GPC6: variants seen among roughly 807,000 people sequenced by gnomAD.
GPC6 encodes glypican 6.
In GPC6, 14 loss-of-function variants were observed where a neutral mutation model predicts 55.2. The observed-to-expected ratio is 0.25, with a 90% CI of 0.17 to 0.40. The LOEUF (loss-of-function observed/expected upper bound fraction) is 0.40. Among genes scored for constraint, GPC6 ranks in the 10% least tolerant of loss-of-function variants. The pLI is 1.00. For synonymous variants in GPC6, 278 were observed against 259.6 expected (o/e 1.07, Z -0.68); for missense variants, 641 against 708.5 (o/e 0.90, Z 1.08).
chr13:93,972,923 CTCTG>C (rs780028496), intron 3 of GPC6, among the ~76,000 whole-genome samples: 1 of 151,766 alleles, frequency 6.6e-6, no homozygotes, highest in Non-Finnish European at 1.5e-5. Flanking sequence ...CTCTCTGTCT[CTCTG>C]TCTCTCTCTC....
intron 1 of GPC6, among the ~76,000 whole-genome samples, chr13:93,523,565 C>T (rs893742300): frequency 3.6e-5 from 5 of 139,082 alleles, no homozygotes; most frequent in Admixed American, 1.4e-4. Context: ...TACGCACTTC[C>T]TCATTTGCTG....
At chr13:93,990,149 A>G (rs1470074101) in intron 3 of GPC6, among the ~76,000 whole-genome samples, 3 of 152,032 alleles carry the variant, frequency 2.0e-5, no homozygotes, top group Admixed American at 6.6e-5. Context: ...TTAATGTTTT[A>G]TGCTCAAATG....
chr13:94,153,032 G>A (rs1887799416), intron 4 of GPC6, among the ~76,000 whole-genome samples: 1 of 152,002 alleles, frequency 6.6e-6, no homozygotes, highest in African/African-American at 2.4e-5. Context: ...AGGATTCTAT[G>A]GGACCCTATG....
intron 4 of GPC6, among the ~76,000 whole-genome samples, chr13:94,260,012 T>G (rs763263247): frequency 6.6e-6 from 1 of 152,212 alleles, no homozygotes; most frequent in Non-Finnish European, 1.5e-5. Flanking sequence ...GGGTATATAG[T>G]ATCTACTTAA....
chr13:94,131,341 A>G (rs1214263104), intron 4 of GPC6, among the ~76,000 whole-genome samples: 1 of 152,120 alleles, frequency 6.6e-6, no homozygotes, highest in Admixed American at 6.6e-5. Flanking sequence ...TAAAATAAAT[A>G]TTTTCATTCT....
intron 4 of GPC6, among the ~76,000 whole-genome samples, chr13:94,034,239 A>AGGAG (rs1883252876): frequency 6.6e-6 from 1 of 151,230 alleles, no homozygotes; most frequent in Non-Finnish European, 1.5e-5. Flanking sequence ...GAAGGAAGGA[A>AGGAG]GGAAGGAAGG....
chr13:93,898,726 A>G (rs777081532), intron 3 of GPC6, among the ~76,000 whole-genome samples: 27 of 151,862 alleles, frequency 1.8e-4, no homozygotes, highest in Non-Finnish European at 3.8e-4. Flanking sequence ...AAATTGAATA[A>G]GTTGTGAAGA....
chr13:93,908,403 CA>C (rs1270264100), intron 3 of GPC6, among the ~76,000 whole-genome samples: 3 of 152,172 alleles, frequency 2.0e-5, no homozygotes, highest in Non-Finnish European at 4.4e-5. Flanking sequence ...TTGGAAATGA[CA>C]GGTCATGTAC....
chr13:93,813,217 A>C (rs1886751490), intron 2 of GPC6, among the ~76,000 whole-genome samples: 1 of 152,172 alleles, frequency 6.6e-6, no homozygotes. Flanking sequence ...GGAGTTCGAG[A>C]CCAGCCTGAT....
At chr13:93,480,626 AC>A (rs1879479952) in intron 1 of GPC6, among the ~76,000 whole-genome samples, 1 of 151,954 alleles carries the variant, frequency 6.6e-6, no homozygotes, top group South Asian at 2.1e-4. Flanking sequence ...TCCCAAAGAA[AC>A]CCTGTATCCA....
rs563416810 is a variant in GPC6 at position 94,357,520 on chromosome 13, G to T, written c.1153-24894G>T. ...TACAGCGTGAACACACAATTCTGCGGCACTCTTGGCCAACTGATGGTACCC... is the reference window on the plus strand; with the variant it reads ...TACAGCGTGAACACACAATTCTGCGTCACTCTTGGCCAACTGATGGTACCC... On this transcript the variant is annotated intron_variant, in intron 6 of 8. Transcript: ENST00000377047. Among the ~76,000 whole-genome samples the T allele has an allele frequency of 4.9e-4, 74 of 152,180 alleles. 1 individual carries two copies. The highest frequency in any genetic ancestry group is 9.4e-4 in the Non-Finnish European group (64 of 68,036).
At chr13:93,221,051 T>G in the GPC6 span, among the ~76,000 whole-genome samples, 1 of 151,912 alleles carries the variant, frequency 6.6e-6, no homozygotes, top group African/African-American at 2.4e-5. Context: ...CCCAGCTAAT[T>G]TTTGTGTATT....
At chr13:94,365,932 G>A (rs1348786772) in intron 6 of GPC6, among the ~76,000 whole-genome samples, 2 of 152,152 alleles carry the variant, frequency 1.3e-5, no homozygotes, top group African/African-American at 4.8e-5. Flanking sequence ...ATTAAATAAC[G>A]AATTCTAAAA....
chr13:93,688,281 C>T (rs981195940), intron 2 of GPC6, among the ~76,000 whole-genome samples: 12 of 151,976 alleles, frequency 7.9e-5, no homozygotes, highest in African/African-American at 2.9e-4. Flanking sequence ...GAAATAAGCA[C>T]AAGTTGAGAG....
chr13:93,530,353 G>T lies in GPC6; in HGVS notation c.161-14910G>T, dbSNP rs957407903. On this transcript the variant is annotated intron_variant, in intron 1 of 8. Coordinates refer to ENST00000377047, the MANE Select transcript of GPC6 (RefSeq NM_005708.5). ...ATTCTTAAAATAACTACCCTATTCT[G>T]CTCCTCCTCATTTCTCTCCAGGTAA... Among the ~76,000 whole-genome samples the T allele has an allele frequency of 2.0e-5, 3 of 152,144 alleles. No individual in the cohort carries two copies. The East Asian group carries it at 5.8e-4, about 29-fold the overall frequency.
At chr13:93,598,666 T>TA (rs549982682) in intron 2 of GPC6, among the ~76,000 whole-genome samples, 3 of 152,168 alleles carry the variant, frequency 2.0e-5, no homozygotes, top group Admixed American at 6.5e-5. Flanking sequence ...AAATGTGACT[T>TA]AAAAAAAATC....
At chr13:94,201,346 T>C (rs747266810) in intron 4 of GPC6, among the ~76,000 whole-genome samples, 8 of 152,230 alleles carry the variant, frequency 5.3e-5, no homozygotes, top group African/African-American at 1.7e-4. Flanking sequence ...GCTCTTGTGA[T>C]GTCAATAACG....
At chr13:93,801,303 C>A (rs963977771) in intron 2 of GPC6, among the ~76,000 whole-genome samples, 1 of 152,082 alleles carries the variant, frequency 6.6e-6, no homozygotes, top group African/African-American at 2.4e-5. Context: ...AAGACTAGAA[C>A]TAAAGATAAC....
intron 4 of GPC6, among the ~76,000 whole-genome samples, chr13:94,238,681 AC>A (rs1890955800): frequency 6.6e-6 from 1 of 152,120 alleles, no homozygotes; most frequent in Non-Finnish European, 1.5e-5. Flanking sequence ...GGGAATAAGC[AC>A]CGTGTGAGAA....
Sources: gnomAD v4.1 joint callset for allele counts (sites outside exome capture counted in the v4.1 genomes callset) on GRCh38, gnomAD v4.1.1 for gene constraint, MANE v1.5 for transcripts, NCBI Gene and HGNC (gene_info 2026-07-23, HGNC 2026-07-21) for gene names.